The following MAGI1 variants were observed in gnomAD, a reference collection of about 807,000 sequenced individuals.
MAGI1 encodes the protein membrane-associated guanylate kinase, WW and PDZ domain-containing protein 1.
Under a neutral mutation model 139.9 loss-of-function variants are expected in MAGI1, and 58 were observed. The observed-to-expected ratio is 0.41, with a 90% confidence interval of 0.34 to 0.52. MAGI1 has a LOEUF of 0.52. MAGI1 is among the 20% of genes least tolerant of loss of function. The pLI is 0.12. For missense variants in MAGI1, 1,874 were observed against 1,901.6 expected (o/e 0.99, Z 0.27); for synonymous variants, 812 against 737.9 (o/e 1.10, Z -1.63).
intron 1 of MAGI1, among the ~76,000 whole-genome samples, chr3:65,759,004 T>C (rs570397240): frequency 1.4e-5 from 2 of 143,698 alleles, no homozygotes; most frequent in South Asian, 2.2e-4. Flanking sequence ...CTTTCTCATA[T>C]ATGATCTCAT....
chr3:65,934,511 T>C (rs1176578858), intron 1 of MAGI1, among the ~76,000 whole-genome samples: 1 of 152,208 alleles, frequency 6.6e-6, no homozygotes, highest in Admixed American at 6.5e-5. Context: ...TTTTATAGAC[T>C]ACAAGTAGGA....
intron 2 of MAGI1, among the ~76,000 whole-genome samples, chr3:65,579,652 C>T (rs564419639): frequency 6.6e-6 from 1 of 152,204 alleles, no homozygotes; most frequent in South Asian, 2.1e-4. Context: ...TCGAGACCAG[C>T]CTGGCCAACA....
At chr3:65,868,487 T>C (rs62245737) in intron 1 of MAGI1, among the ~76,000 whole-genome samples, 35,001 of 152,148 alleles carry the variant, frequency 0.23, 4,383 homozygotes, top group Middle Eastern at 0.3. Context: ...CATAACCTTC[T>C]AGACAGACTC....
chr3:65,704,708 T>C (rs957148647), intron 1 of MAGI1, among the ~76,000 whole-genome samples: 2 of 152,052 alleles, frequency 1.3e-5, no homozygotes, highest in African/African-American at 4.8e-5. Flanking sequence ...AAAATTTGTG[T>C]GCATTCAAGT....
At chr3:65,703,148 G>A (rs184277809) in intron 1 of MAGI1, among the ~76,000 whole-genome samples, 1 of 152,260 alleles carries the variant, frequency 6.6e-6, no homozygotes, top group East Asian at 1.9e-4. Flanking sequence ...GTTTTGGCAG[G>A]GGGTGGCTGG....
At chr3:65,938,218 A>G (rs1576159670) in intron 1 of MAGI1, among the ~76,000 whole-genome samples, 1 of 151,356 alleles carries the variant, frequency 6.6e-6, no homozygotes, top group South Asian at 2.1e-4. Context: ...CATTTAAGTT[A>G]ACTAAAATGT....
intron 1 of MAGI1, among the ~76,000 whole-genome samples, chr3:65,850,823 C>G (rs538121036): frequency 3.9e-5 from 6 of 152,220 alleles, no homozygotes; most frequent in Admixed American, 3.3e-4. Flanking sequence ...AAATATGCCT[C>G]AAGCACGGCG....
chr3:65,695,994 C>A (rs2089148832), intron 1 of MAGI1, among the ~76,000 whole-genome samples: 1 of 152,190 alleles, frequency 6.6e-6, no homozygotes, highest in African/African-American at 2.4e-5. Flanking sequence ...TATCACAACA[C>A]TTCTCAAACC....
At chr3:65,856,985 T>C (rs1232529088) in intron 1 of MAGI1, among the ~76,000 whole-genome samples, 1 of 152,180 alleles carries the variant, frequency 6.6e-6, no homozygotes, top group Non-Finnish European at 1.5e-5. Context: ...AGGAATCACA[T>C]GAAAACCAAT....
At position 65,868,937 on chromosome 3, in the gene MAGI1, T is replaced by C. The variant is rs953775635; in HGVS notation, c.313+169059A>G. Among the ~76,000 whole-genome samples, 9 of 152,238 alleles carry C rather than the reference T, an allele frequency of 5.9e-5. No individual in the cohort carries two copies. In the East Asian group the frequency reaches 1.5e-3, roughly 26 times the overall value. On this transcript the variant is annotated intron_variant, in intron 1 of 22. Coordinates refer to ENST00000402939, the MANE Select transcript of MAGI1 (RefSeq NM_001033057.2). ...TCAACCCTCTGACCCTGCCCTACTT[T>C]TTCCTTTGCCCATAGCCCCTATCAA...
intron 1 of MAGI1, among the ~76,000 whole-genome samples, chr3:65,842,529 T>C (rs1278976092): frequency 6.6e-6 from 1 of 152,062 alleles, no homozygotes; most frequent in African/African-American, 2.4e-5. Flanking sequence ...GCTGGGCTAA[T>C]TTTGTATTTT....
intron 1 of MAGI1, among the ~76,000 whole-genome samples, chr3:65,635,640 T>C (rs1194740173): frequency 6.6e-6 from 1 of 152,216 alleles, no homozygotes; most frequent in Non-Finnish European, 1.5e-5. Flanking sequence ...TTTAGGAATC[T>C]GCTGACAGGT....
intron 1 of MAGI1, among the ~76,000 whole-genome samples, chr3:65,793,354 G>A (rs1021186132): frequency 1.3e-5 from 2 of 152,308 alleles, no homozygotes; most frequent in East Asian, 3.9e-4. Flanking sequence ...ATGATAGCTA[G>A]TGAGATGAAC....
chr3:65,700,648 C>A (rs1342059362), intron 1 of MAGI1, among the ~76,000 whole-genome samples: 1 of 152,008 alleles, frequency 6.6e-6, no homozygotes, highest in Admixed American at 6.6e-5. Flanking sequence ...TGATTTCATC[C>A]TAATGTTGTG....
intron 1 of MAGI1, among the ~76,000 whole-genome samples, chr3:65,839,088 G>C (rs1231105825): frequency 1.3e-5 from 2 of 152,150 alleles, no homozygotes; most frequent in Non-Finnish European, 2.9e-5. Flanking sequence ...ATAAATTCTA[G>C]ATGAGTCCTT....
intron 1 of MAGI1, among the ~76,000 whole-genome samples, chr3:65,831,318 A>T (rs1051019347): frequency 6.6e-6 from 1 of 152,156 alleles, no homozygotes; most frequent in Non-Finnish European, 1.5e-5. Flanking sequence ...CCTGGCAAAA[A>T]TTTTTTACAG....
At chr3:65,527,864 G>A (rs2078460487) in intron 2 of MAGI1, among the ~76,000 whole-genome samples, 1 of 151,730 alleles carries the variant, frequency 6.6e-6, no homozygotes, top group African/African-American at 2.4e-5. Context: ...GCGAGATCAT[G>A]CCACTGCACT....
At position 65,368,563 on chromosome 3, in the gene MAGI1, C is replaced by G. The variant is rs184439511; in HGVS notation, c.3197-3617G>C. Among the ~76,000 whole-genome samples, 3 of 152,180 alleles carry G rather than the reference C, an allele frequency of 2.0e-5. No homozygotes were observed. The East Asian group carries it at 5.8e-4, about 29-fold the overall frequency. On this transcript the variant is annotated intron_variant, in intron 18 of 22. Coordinates refer to ENST00000402939, the MANE Select transcript of MAGI1 (RefSeq NM_001033057.2). Reference sequence around the variant, plus strand: ...CTTGTTCCCATATTAATATCCTCAGCCTCCCCTTACGGAATCCACATTGAA... The same window carrying G: ...CTTGTTCCCATATTAATATCCTCAGGCTCCCCTTACGGAATCCACATTGAA...
At chr3:65,693,199 C>A (rs371745045) in intron 1 of MAGI1, among the ~76,000 whole-genome samples, 8 of 152,318 alleles carry the variant, frequency 5.3e-5, no homozygotes, top group Admixed American at 2.6e-4. Context: ...CCCGCCTCAG[C>A]CTCCCAAAGT....
Sources: allele counts gnomAD v4.1 joint callset (sites outside exome capture counted in the v4.1 genomes callset), GRCh38; gene constraint gnomAD v4.1.1; transcripts MANE v1.5; gene names NCBI Gene and HGNC (gene_info 2026-07-23, HGNC 2026-07-21).